GTF2A1: variants seen among roughly 807,000 people sequenced by gnomAD.
GTF2A1 encodes general transcription factor IIA subunit 1.
In GTF2A1, 12 loss-of-function variants were observed where a neutral mutation model predicts 54.1. The observed-to-expected ratio is 0.22, with a 90% CI of 0.14 to 0.36. The LOEUF (loss-of-function observed/expected upper bound fraction) is 0.36, where lower values mean the gene tolerates loss of function less well. Ranked by LOEUF, GTF2A1 falls within the 10% of genes least tolerant of loss-of-function variation. The pLI, the probability that GTF2A1 is intolerant of heterozygous loss-of-function variation, is 1.00. For missense variants in GTF2A1, 335 were observed against 442.2 expected, an observed-to-expected ratio of 0.76 and a Z score of 2.17; for synonymous variants, 145 against 152.0, an observed-to-expected ratio of 0.95 and a Z score of 0.34.
At chr14:81,193,680 C>G (rs1415623168) in intron 6 of GTF2A1, among the ~76,000 whole-genome samples, 5 of 152,150 alleles carry the variant, frequency 3.3e-5, no homozygotes, top group Non-Finnish European at 7.4e-5. Flanking sequence ...TTTCTAAAAA[C>G]CACCAGATCA....
At chr14:81,207,790 T>C (rs138403801) in intron 2 of GTF2A1, among the ~76,000 whole-genome samples, 1,554 of 152,336 alleles carry the variant, frequency 0.01, 45 homozygotes, top group Admixed American at 0.054. Flanking sequence ...TGACCCTTGT[T>C]ATGTGTTAGC....
intron 2 of GTF2A1, among the ~76,000 whole-genome samples, chr14:81,207,181 AC>A (rs1395178717): frequency 5.6e-4 from 79 of 140,852 alleles, no homozygotes; most frequent in African/African-American, 2.0e-3. Context: ...CTACCTACCT[AC>A]CTACCTACCT....
At chr14:81,205,133 AT>A (rs1893202364) in intron 2 of GTF2A1, among the ~76,000 whole-genome samples, 2 of 150,640 alleles carry the variant, frequency 1.3e-5, no homozygotes, top group Non-Finnish European at 3.0e-5. Context: ...TTTTTTTTTA[AT>A]TTAAGAAATA....
At chr14:81,185,222 T>C (rs1892718457) in intron 8 of GTF2A1, among the ~76,000 whole-genome samples, 1 of 152,158 alleles carries the variant, frequency 6.6e-6, no homozygotes, top group African/African-American at 2.4e-5. Context: ...GAGTTAGCTA[T>C]TACCACAAAG....
In GTF2A1 at chr14:81,196,217, G is replaced by C. The variant is rs778963555; in HGVS notation, c.503C>G (p.Ala168Gly). The change falls in exon 6 of 9, where the codon GCA becomes GGA. Residue 168 changes from alanine (A) to glycine (G), a missense_variant. This residue lies in a region of GTF2A1 where 306 missense variants were observed against 360.4 expected (regional missense o/e 0.85). Transcript: ENST00000553612. The stretch of plus-strand genomic sequence containing the variant: ...AAAGATATATTGGGCACCATTGGCT[G>C]CTCTGACCACCTGAAGAAGCTGGCC... The part of the protein sequence containing the change: ...NSGQLLQVVR[A>G]ANGAQYIFQP... 4.3e-6 allele frequency: 7 copies of C among 1,614,086 alleles called. No homozygotes were observed. Among genetic ancestry groups the C allele is most frequent in the Non-Finnish European group, 5.1e-6 (6 of 1,179,936 alleles).
At chr14:81,187,436 G>A (rs921687887) in intron 7 of GTF2A1, among the ~76,000 whole-genome samples, 1 of 151,800 alleles carries the variant, frequency 6.6e-6, no homozygotes, top group Non-Finnish European at 1.5e-5. Context: ...TACAATTCAG[G>A]TGCAATGAAC....
At chr14:81,204,662 C>T (rs1893190956) in intron 2 of GTF2A1, among the ~76,000 whole-genome samples, 1 of 152,202 alleles carries the variant, frequency 6.6e-6, no homozygotes, top group Non-Finnish European at 1.5e-5. Context: ...CGGCAACGCC[C>T]GAAGGTCTTA....
chr14:81,194,041 T>C (rs537926084), intron 6 of GTF2A1, among the ~76,000 whole-genome samples: 1 of 152,300 alleles, frequency 6.6e-6, no homozygotes, highest in South Asian at 2.1e-4. Context: ...ATATTACTTA[T>C]ATTATTAGTA....
intron 4 of GTF2A1, among the ~76,000 whole-genome samples, chr14:81,198,815 A>T (rs758639410): frequency 7.2e-5 from 11 of 152,206 alleles, no homozygotes; most frequent in Non-Finnish European, 1.5e-4. Context: ...GAAGTCAACA[A>T]ACTTAGAAAA....
At chr14:81,198,348 G>T (rs1455800915) in intron 4 of GTF2A1, among the ~76,000 whole-genome samples, 1 of 152,182 alleles carries the variant, frequency 6.6e-6, no homozygotes, top group East Asian at 1.9e-4. Context: ...GGGAGGGTGA[G>T]GTGGGAGGAT....
chr14:81,206,461 A>G (rs1389592336), intron 2 of GTF2A1, among the ~76,000 whole-genome samples: 2 of 152,236 alleles, frequency 1.3e-5, no homozygotes, highest in African/African-American at 4.8e-5. Flanking sequence ...GGCATTGAGA[A>G]GATACAGTGA....
intron 2 of GTF2A1, among the ~76,000 whole-genome samples, chr14:81,208,343 G>A (rs758352093): frequency 2.6e-5 from 4 of 152,182 alleles, no homozygotes; most frequent in Non-Finnish European, 5.9e-5. Flanking sequence ...TGAGCCTGCA[G>A]GTGCACAGAA....
chr14:81,197,300 G>A (rs1893012772), intron 5 of GTF2A1, 109 bp downstream of exon 5: 4 of 629,490 alleles, frequency 6.4e-6, no homozygotes, highest in African/African-American at 1.9e-5. Context: ...AAACCAAATG[G>A]TAAAAGAAAT....
intron 2 of GTF2A1, among the ~76,000 whole-genome samples, chr14:81,211,013 T>C (rs1893352672): frequency 6.6e-6 from 1 of 152,244 alleles, no homozygotes; most frequent in Non-Finnish European, 1.5e-5. Flanking sequence ...CTTACTAAAT[T>C]CTGTGTACTT....
chr14:81,189,992 G>T (rs998791684), intron 7 of GTF2A1, among the ~76,000 whole-genome samples: 1 of 101,928 alleles, frequency 9.8e-6, no homozygotes, highest in African/African-American at 4.5e-5. Context: ...CACATCCCTG[G>T]TAAGACTGAA....
Position 81,192,719 on chromosome 14 carries a change from G to T in GTF2A1, c.733C>A (p.Pro245Thr). The change falls in exon 7 of 9, where the codon CCA becomes ACA. Residue 245 changes from proline to threonine, a missense_variant. Physicochemically the swap from Pro to Thr is conservative, Grantham distance 38. Coordinates refer to ENST00000553612, the MANE Select transcript of GTF2A1 (RefSeq NM_015859.4). The stretch of plus-strand genomic sequence containing the variant: ...GTTGCAGTTATCTGTGCTTGGGCTG[G>T]TGTAGGTGCTGCCACTGTCGTAGGT... ...VIPTTVAAPT[P>T]AQAQITATGQ... 1.9e-6 allele frequency: 3 copies of T among 1,614,098 alleles called. No homozygotes were observed. The highest frequency in any genetic ancestry group is 2.5e-6 in the Non-Finnish European group (3 of 1,179,922).
In GTF2A1 at chr14:81,182,618, T is replaced by C. The variant is rs115244677; in HGVS notation, c.1024-2288A>G. Reference sequence around the variant, plus strand: ...TGAATTATTATAATATCCCCCTAAATAGTCTCGTTTCAGCAACCTCTGCTT... The same window carrying C: ...TGAATTATTATAATATCCCCCTAAACAGTCTCGTTTCAGCAACCTCTGCTT... On this transcript the variant is annotated intron_variant, in intron 8 of 8. Coordinates refer to ENST00000553612, the MANE Select transcript of GTF2A1 (RefSeq NM_015859.4). Among the ~76,000 whole-genome samples, 1,326 of 152,326 alleles carry C rather than the reference T, an allele frequency of 8.7e-3. 15 individuals carry two copies. Among genetic ancestry groups the C allele is most frequent in the African/African-American group, 0.031 (1,272 of 41,576 alleles).
chr14:81,180,250 G>C lies in GTF2A1; in HGVS notation c.1104C>G (p.Ser368=). The change falls in exon 9 of 9, where the codon TCC becomes TCG. Residue 368 remains serine (S), a synonymous_variant. Coordinates refer to ENST00000553612, the MANE Select transcript of GTF2A1 (RefSeq NM_015859.4). ...MNLNGRDYIF[S]KAIGDAEW is the part of the protein sequence containing the mutation. ...ACCATTCTGCATCTCCAATGGCTTT[G>C]GAAAATATATAATCTCTTCCATTAA... is the stretch of plus-strand genomic sequence containing the variant. 1 of 1,424,664 alleles carries C rather than the reference G, an allele frequency of 7.0e-7. No homozygotes were observed. The highest frequency in any genetic ancestry group is 9.7e-7 in the Non-Finnish European group (1 of 1,028,430). The allele number at this position is 1,424,664 out of a possible 1,614,324, so 88.3% of individuals were successfully genotyped here.
At chr14:81,185,473 A>C (rs1260722647) in intron 8 of GTF2A1, 58 bp downstream of exon 8, 1 of 941,208 alleles carries the variant, frequency 1.1e-6, no homozygotes, top group Admixed American at 1.7e-5. Flanking sequence ...AGAAAGAATA[A>C]TGTAGGGAAG....
Sources: gnomAD v4.1 joint callset for allele counts (sites outside exome capture counted in the v4.1 genomes callset) on GRCh38, gnomAD v4.1.1 for gene constraint, gnomAD v4.1.1 regional missense constraint, MANE v1.5 for transcripts, NCBI Gene and HGNC (gene_info 2026-07-23, HGNC 2026-07-21) for gene names.